KATNIP: variants seen among roughly 807,000 people sequenced by gnomAD.
KATNIP encodes katanin interacting protein, also known as katanin-interacting protein.
Under a neutral mutation model 174.0 loss-of-function variants are expected in KATNIP, and 126 were observed. The observed-to-expected ratio is 0.72, with a 90% CI of 0.63 to 0.84. The LOEUF (loss-of-function observed/expected upper bound fraction) is 0.84, where lower values mean the gene tolerates loss of function less well. Among genes scored for constraint, KATNIP ranks in the 40% least tolerant of loss-of-function variants. KATNIP has a pLI of 0.00. For synonymous variants in KATNIP, 810 were observed against 835.7 expected, an observed-to-expected ratio of 0.97 and a Z score of 0.53; for missense variants, 1,958 against 2,109.7, an observed-to-expected ratio of 0.93 and a Z score of 1.41.
chr16:27,697,032 A>T (rs531682486), intron 8 of KATNIP, among the ~76,000 whole-genome samples: 10 of 152,052 alleles, frequency 6.6e-5, no homozygotes, highest in Non-Finnish European at 1.5e-4. Flanking sequence ...CCCGGCCTCC[A>T]CATTTTCTTT....
At chr16:27,695,318 G>A (rs555538495) in intron 8 of KATNIP, among the ~76,000 whole-genome samples, 4 of 152,312 alleles carry the variant, frequency 2.6e-5, no homozygotes, top group Admixed American at 1.3e-4. Context: ...TGCCCTGCAA[G>A]GCCCTGCATG....
chr16:27,643,103 G>A (rs978266523), intron 5 of KATNIP: 6 of 152,210 alleles, frequency 3.9e-5, no homozygotes, highest in Non-Finnish European at 8.8e-5. Context: ...AGCTGCAATA[G>A]GATTGCTGAG....
chr16:27,705,209 C>T (rs901912861), intron 12 of KATNIP, among the ~76,000 whole-genome samples: 3 of 152,172 alleles, frequency 2.0e-5, no homozygotes, highest in Non-Finnish European at 4.4e-5. Flanking sequence ...CCACACCCAG[C>T]CTCCATTTTC....
chr16:27,628,691 C>G lies in KATNIP; in HGVS notation c.171C>G (p.Pro57=), dbSNP rs376698615. The change falls in exon 4 of 28, where the codon CCC becomes CCG. Residue 57 remains proline (P), a synonymous_variant. Transcript: ENST00000261588. ...TAAAGCATTTGAAAAGCAAGGACCC[C>G]GTGCAATTGAGGCTGGAGCACTTGG... ...RILKHLKSKD[P]VQLRLEHLEQ... 2.5e-6 allele frequency: 4 copies of G among 1,614,152 alleles called. No individual in the cohort carries two copies. Among genetic ancestry groups the G allele is most frequent in the Middle Eastern group, 1.6e-4 (1 of 6,062 alleles).
At chr16:27,576,292 A>G (rs2090493653) in intron 2 of KATNIP, among the ~76,000 whole-genome samples, 1 of 152,128 alleles carries the variant, frequency 6.6e-6, no homozygotes, top group South Asian at 2.1e-4. Flanking sequence ...TCTCCTGGGA[A>G]GTGCTTGTAG....
intron 6 of KATNIP, 67 bp downstream of exon 6, chr16:27,648,802 C>T: frequency 6.5e-7 from 1 of 1,542,534 alleles, no homozygotes; most frequent in Non-Finnish European, 8.8e-7. Context: ...CTGCAGTGGC[C>T]CCTCGGGGCA....
intron 2 of KATNIP, among the ~76,000 whole-genome samples, chr16:27,592,717 C>A (rs994645458): frequency 6.6e-6 from 1 of 152,016 alleles, no homozygotes; most frequent in Non-Finnish European, 1.5e-5. Context: ...CCATCACGCC[C>A]GGCTAATTTT....
In KATNIP at chr16:27,776,311, G is replaced by T. The variant is rs2082496558; in HGVS notation, c.4450-617G>T. On this transcript the variant is annotated intron_variant, in intron 24 of 27. Coordinates refer to ENST00000261588, the MANE Select transcript of KATNIP (RefSeq NM_015202.5). The surrounding 1 kb of genome is among the most constrained non-coding windows in gnomAD (Gnocchi z 4.7). ...TATTTCTTGATTCTGTCTTGCAAGG[G>T]AGGGCCTCCCCTAATATCTGAGAGC... 6.6e-6 allele frequency among the ~76,000 whole-genome samples: 1 copy of T among 152,184 alleles called. No individual in the cohort carries two copies. The highest frequency in any genetic ancestry group is 2.4e-5 in the African/African-American group (1 of 41,442).
chr16:27,603,800 G>A (rs963105330), intron 2 of KATNIP, among the ~76,000 whole-genome samples: 2 of 149,014 alleles, frequency 1.3e-5, no homozygotes, highest in Admixed American at 6.8e-5. Context: ...GCAATGGCAC[G>A]ATCTCTGCTC....
intron 1 of KATNIP, among the ~76,000 whole-genome samples, chr16:27,571,834 G>A (rs777947946): frequency 2.6e-5 from 4 of 152,206 alleles, no homozygotes; most frequent in Non-Finnish European, 4.4e-5. Context: ...CAGCCTTAGG[G>A]CTCACTCGGA....
intron 1 of KATNIP, among the ~76,000 whole-genome samples, chr16:27,551,389 A>G (rs1339649618): frequency 1.3e-5 from 2 of 152,218 alleles, no homozygotes; most frequent in Non-Finnish European, 2.9e-5. Flanking sequence ...TAGAGGTACT[A>G]TAAAATGTGC....
chr16:27,662,640 A>G (rs2077563399), intron 6 of KATNIP, among the ~76,000 whole-genome samples: 1 of 152,232 alleles, frequency 6.6e-6, no homozygotes, highest in South Asian at 2.1e-4. Context: ...ATCCCTCAGT[A>G]GGGTGTTTCT....
intron 2 of KATNIP, among the ~76,000 whole-genome samples, chr16:27,574,626 G>A (rs534669031): frequency 1.0e-4 from 14 of 133,814 alleles, no homozygotes; most frequent in South Asian, 7.1e-4. Flanking sequence ...GTGCAATGGC[G>A]TGATCTCAGC....
intron 6 of KATNIP, among the ~76,000 whole-genome samples, chr16:27,674,183 GA>G (rs1261086591): frequency 1.3e-5 from 2 of 152,196 alleles, no homozygotes; most frequent in African/African-American, 4.8e-5. Flanking sequence ...ATCAAGGGAT[GA>G]AAGGGGGAGA....
chr16:27,698,242 A>C, intron 8 of KATNIP, 86 bp from the exon 9 acceptor site: 1 of 1,341,800 alleles, frequency 7.5e-7, no homozygotes, highest in Non-Finnish European at 1.0e-6. Flanking sequence ...GTTTTATAGA[A>C]TGTTCCTCAA....
chr16:27,638,671 A>G (rs2076706556), intron 5 of KATNIP, among the ~76,000 whole-genome samples: 1 of 151,966 alleles, frequency 6.6e-6, no homozygotes, highest in Admixed American at 6.6e-5. Flanking sequence ...GTGGGGCCAC[A>G]CGGTCGCCTT....
intron 5 of KATNIP, among the ~76,000 whole-genome samples, chr16:27,639,367 T>G (rs187490751): frequency 6.6e-6 from 1 of 152,336 alleles, no homozygotes; most frequent in Admixed American, 6.5e-5. Context: ...CCCCACCACT[T>G]CTGGGCCTTA....
In KATNIP at chr16:27,618,513, C is replaced by A. The variant is rs367651838; in HGVS notation, c.140+12C>A. The stretch of plus-strand genomic sequence containing the variant: ...CAGCAGAGGAACCGGTAAGAGAAGC[C>A]ACTCGACGGCAGCCCTTGATATTAG... On this transcript the variant is annotated intron_variant, in intron 3 of 27. Transcript: ENST00000261588. 1.9e-6 allele frequency: 3 copies of A among 1,574,576 alleles called. No individual in the cohort carries two copies. In the African/African-American group the frequency reaches 4.0e-5, roughly 21 times the overall value.
chr16:27,734,374 C>T (rs541760175), intron 14 of KATNIP, among the ~76,000 whole-genome samples: 15 of 149,186 alleles, frequency 1.0e-4, no homozygotes, highest in Admixed American at 3.3e-4. Flanking sequence ...AGCCACTGCG[C>T]CTGGCCCATA....
Sources: allele counts gnomAD v4.1 joint callset (sites outside exome capture counted in the v4.1 genomes callset), GRCh38; gene constraint gnomAD v4.1.1; non-coding constraint Gnocchi (gnomAD v3.1); transcripts MANE v1.5; gene names NCBI Gene and HGNC (gene_info 2026-07-23, HGNC 2026-07-21).